The following SLC13A4 variants were observed in gnomAD, a reference collection of about 807,000 sequenced individuals.
SLC13A4 encodes the protein Na(+)/sulfate cotransporter SUT-1.
Under a neutral mutation model 72.7 loss-of-function variants are expected in SLC13A4, and 28 were observed. The observed-to-expected ratio is 0.39, with a 90% confidence interval of 0.29 to 0.53. SLC13A4 has a LOEUF of 0.53. SLC13A4 is among the 20% of genes least tolerant of loss of function. SLC13A4 has a pLI of 0.78. For missense variants in SLC13A4, 653 were observed against 788.0 expected, an observed-to-expected ratio of 0.83 and a Z score of 2.05; for synonymous variants, 312 against 325.5, an observed-to-expected ratio of 0.96 and a Z score of 0.45.
intron 2 of SLC13A4, among the ~76,000 whole-genome samples, chr7:135,714,986 A>G (rs1284516727): frequency 6.6e-6 from 1 of 150,828 alleles, no homozygotes; most frequent in African/African-American, 2.4e-5. Flanking sequence ...AAGTGTGTGT[A>G]TGTGTGTGTA....
intron 4 of SLC13A4, 169 bp from the exon 5 acceptor site, chr7:135,705,819 C>A (rs1398180716): frequency 3.1e-6 from 2 of 647,678 alleles, no homozygotes; most frequent in African/African-American, 1.8e-5. Flanking sequence ...GCAGACTGGC[C>A]CCAGGGTTTT....
intron 14 of SLC13A4, among the ~76,000 whole-genome samples, chr7:135,684,733 A>C (rs966066142): frequency 6.7e-6 from 1 of 150,108 alleles, no homozygotes; most frequent in Non-Finnish European, 1.5e-5. Context: ...GCCAAGTTTT[A>C]ACTGCACTCT....
At chr7:135,723,310 G>C (rs182563412) in intron 1 of SLC13A4, among the ~76,000 whole-genome samples, 1 of 152,198 alleles carries the variant, frequency 6.6e-6, no homozygotes, top group East Asian at 1.9e-4. Context: ...GACAACCTAG[G>C]GGTGCACAGG....
intron 5 of SLC13A4, chr7:135,703,378 T>G (rs1387282783): frequency 6.2e-6 from 1 of 160,212 alleles, no homozygotes; most frequent in Non-Finnish European, 1.4e-5. Context: ...ACTGGCTGAC[T>G]CTCATGTTCT....
chr7:135,689,679 C>T (rs1795730922), intron 13 of SLC13A4, among the ~76,000 whole-genome samples: 1 of 152,086 alleles, frequency 6.6e-6, no homozygotes, highest in Non-Finnish European at 1.5e-5. Flanking sequence ...AGACAACATG[C>T]AGAAGACCTG....
chr7:135,726,718 C>T (rs980780115), intron 1 of SLC13A4, among the ~76,000 whole-genome samples: 7 of 152,162 alleles, frequency 4.6e-5, no homozygotes, highest in African/African-American at 1.4e-4. Flanking sequence ...TCTTTTTTAT[C>T]GTGTCACTTT....
chr7:135,711,962 G>GGTT (rs1563167348), intron 2 of SLC13A4, among the ~76,000 whole-genome samples: 3 of 59,630 alleles, frequency 5.0e-5, no homozygotes, highest in African/African-American at 1.7e-4. Flanking sequence ...AATGTTTTTG[G>GGTT]ATTTTTTTTT....
At position 135,694,121 on chromosome 7, in the gene SLC13A4, A is replaced by T. The variant is rs368297500; in HGVS notation, c.1121+16T>A. 80 of 1,457,940 alleles carry T rather than the reference A, an allele frequency of 5.5e-5. No homozygotes were observed. In the African/African-American group the frequency reaches 9.0e-4, roughly 16 times the overall value. The allele number at this position is 1,457,940 out of a possible 1,614,324, so 90.3% of individuals were successfully genotyped here. On this transcript the variant is annotated intron_variant, in intron 10 of 15. Transcript: ENST00000682651. Reference sequence around the variant, plus strand: ...TTCTGCTGGAGAAGGAGGGAAGAGGAATGGCTGATTTTTACCTAATGTCTC... The same window carrying T: ...TTCTGCTGGAGAAGGAGGGAAGAGGTATGGCTGATTTTTACCTAATGTCTC...
chr7:135,718,063 C>T (rs1257169886), intron 2 of SLC13A4, among the ~76,000 whole-genome samples: 3 of 101,340 alleles, frequency 3.0e-5, no homozygotes, highest in East Asian at 6.3e-4. Flanking sequence ...TCAAGTGAGC[C>T]AATTCCTACA....
intron 2 of SLC13A4, among the ~76,000 whole-genome samples, chr7:135,716,262 T>C (rs1796432907): frequency 6.6e-6 from 1 of 152,138 alleles, no homozygotes; most frequent in African/African-American, 2.4e-5. Context: ...GAGCTCCTTA[T>C]CCAGAATTTG....
At position 135,699,372 on chromosome 7, in the gene SLC13A4, G is replaced by A; in HGVS notation, c.891C>T (p.His297=). 15 of 1,609,098 alleles carry A rather than the reference G, an allele frequency of 9.3e-6. No individual in the cohort carries two copies. Among genetic ancestry groups the A allele is most frequent in the Non-Finnish European group, 1.3e-5 (15 of 1,177,524 alleles). The change falls in exon 8 of 16, where the codon CAC becomes CAT. Residue 297 remains histidine, a synonymous_variant. Transcript: ENST00000682651. The part of the protein sequence containing the change: ...GTSTSLIFLE[H]FNNQYPAAEV... ...CCAAGTGAATCACTTACTTGTTGAA[G>A]TGTTCCAGGAAGATGAGGCTGGTGG...
chr7:135,717,267 T>C (rs1352086148), intron 2 of SLC13A4, among the ~76,000 whole-genome samples: 1 of 152,210 alleles, frequency 6.6e-6, no homozygotes, highest in Non-Finnish European at 1.5e-5. Flanking sequence ...AAATTCTTTT[T>C]TTCCCCCCTG....
chr7:135,708,078 G>T (rs373742913), intron 3 of SLC13A4, 36 bp downstream of exon 3: 2 of 1,601,932 alleles, frequency 1.2e-6, no homozygotes, highest in East Asian at 2.2e-5. Flanking sequence ...GAGCTAGAAG[G>T]ATGCCCTATG....
At chr7:135,688,688 G>A (rs1006428038) in intron 13 of SLC13A4, among the ~76,000 whole-genome samples, 2 of 152,070 alleles carry the variant, frequency 1.3e-5, no homozygotes, top group African/African-American at 4.8e-5. Context: ...TAAACTCTTG[G>A]TATGAAAACA....
chr7:135,691,987 A>G (rs1023201204), intron 11 of SLC13A4: 9 of 421,872 alleles, frequency 2.1e-5, no homozygotes, highest in Non-Finnish European at 3.8e-5. Context: ...CCACACCTCC[A>G]TGTGCCTCCC....
intron 2 of SLC13A4, among the ~76,000 whole-genome samples, chr7:135,715,261 GGGCA>G (rs1796396828): frequency 6.6e-6 from 1 of 151,558 alleles, no homozygotes; most frequent in African/African-American, 2.4e-5. Context: ...GTATGAGTGT[GGGCA>G]TGTGTATGAG....
intron 1 of SLC13A4, among the ~76,000 whole-genome samples, chr7:135,727,005 AG>A (rs1483351028): frequency 2.6e-5 from 4 of 152,150 alleles, no homozygotes; most frequent in Admixed American, 1.3e-4. Flanking sequence ...CTGTGTCTCC[AG>A]GGGCTCTCAG....
At chr7:135,689,063 T>C (rs1181178876) in intron 13 of SLC13A4, 1 of 151,846 alleles carries the variant, frequency 6.6e-6, no homozygotes, top group African/African-American at 2.4e-5. Flanking sequence ...CTTTTGTTTT[T>C]GTAGAGATAG....
At chr7:135,722,927 CAG>C (rs1158152826) in intron 1 of SLC13A4, among the ~76,000 whole-genome samples, 1 of 152,170 alleles carries the variant, frequency 6.6e-6, no homozygotes, top group Non-Finnish European at 1.5e-5. Flanking sequence ...GCTCCTAACT[CAG>C]TGTTTGTCAA....
Sources: gnomAD v4.1 joint callset for allele counts (sites outside exome capture counted in the v4.1 genomes callset) on GRCh38, gnomAD v4.1.1 for gene constraint, MANE v1.5 for transcripts, NCBI Gene and HGNC (gene_info 2026-07-23, HGNC 2026-07-21) for gene names.